The following SH3GLB1 variants were observed in gnomAD, a reference collection of about 807,000 sequenced individuals.
SH3GLB1 encodes the protein endophilin-B1.
In SH3GLB1, 17 loss-of-function variants were observed where a neutral mutation model predicts 42.0. That is an observed-to-expected ratio of 0.40 (90% confidence interval 0.28 to 0.61). SH3GLB1 has a LOEUF of 0.61. Among genes scored for constraint, SH3GLB1 ranks in the 20% least tolerant of loss-of-function variants. SH3GLB1 has a pLI of 0.36. For synonymous variants in SH3GLB1, 132 were observed against 146.6 expected (o/e 0.90, Z 0.72); for missense variants, 355 against 426.3 (o/e 0.83, Z 1.47).
At position 86,744,939 on chromosome 1, in the gene SH3GLB1, T is replaced by C. The variant is rs1245086580; in HGVS notation, c.*1704T>C. 6.6e-6 allele frequency: 1 copy of C among 152,220 alleles called. No homozygotes were observed. The allele number at this position is 152,220 out of a possible 1,614,324, so 9.4% of individuals were successfully genotyped here. On this transcript the variant is annotated 3_prime_UTR_variant, in exon 9 of 9. Transcript: ENST00000370558. Reference sequence around the variant, plus strand: ...AAAAGCTGCTCAAGCTGGTCAGTTTTCTGTAAAACCAAGTAAATGAAATTT... The same window carrying C: ...AAAAGCTGCTCAAGCTGGTCAGTTTCCTGTAAAACCAAGTAAATGAAATTT...
At chr1:86,729,795 A>G (rs1421287217) in intron 5 of SH3GLB1, among the ~76,000 whole-genome samples, 1 of 152,058 alleles carries the variant, frequency 6.6e-6, no homozygotes, top group Non-Finnish European at 1.5e-5. Context: ...CCAAATCTCT[A>G]ATTTTCCAGA....
intron 1 of SH3GLB1, among the ~76,000 whole-genome samples, chr1:86,713,523 GCAACTGGAAGATAAATCAT>G (rs1286748546): frequency 4.6e-5 from 7 of 152,060 alleles, no homozygotes; most frequent in Non-Finnish European, 1.0e-4. Flanking sequence ...AAGAAATTGT[GCAACTGGAAGATAAATCAT>G]CAGGACTATA....
chr1:86,738,905 A>G (rs1655919737), intron 7 of SH3GLB1, among the ~76,000 whole-genome samples: 1 of 152,188 alleles, frequency 6.6e-6, no homozygotes, highest in Non-Finnish European at 1.5e-5. Flanking sequence ...CAGCCTCTCA[A>G]AGTGCTGGGA....
At chr1:86,739,522 A>G (rs1253241731) in intron 7 of SH3GLB1, among the ~76,000 whole-genome samples, 1 of 152,194 alleles carries the variant, frequency 6.6e-6, no homozygotes, top group Non-Finnish European at 1.5e-5. Context: ...GCGCAAAGTA[A>G]TGTTTGTAAT....
intron 1 of SH3GLB1, among the ~76,000 whole-genome samples, chr1:86,706,170 A>G (rs1330366185): frequency 6.6e-6 from 1 of 152,266 alleles, no homozygotes; most frequent in Non-Finnish European, 1.5e-5. Flanking sequence ...AAGCAGCCTT[A>G]CTGAGGTTAA....
intron 5 of SH3GLB1, chr1:86,730,480 A>G (rs1655447105): frequency 1.5e-6 from 1 of 647,686 alleles, no homozygotes; most frequent in Non-Finnish European, 1.9e-6. Context: ...AGAGAATGGG[A>G]TATATAATAT....
At chr1:86,706,504 T>TA in intron 1 of SH3GLB1, among the ~76,000 whole-genome samples, 1 of 152,332 alleles carries the variant, frequency 6.6e-6, no homozygotes, top group East Asian at 1.9e-4. Flanking sequence ...CCTTTATAGT[T>TA]AAAATAATGT....
intron 1 of SH3GLB1, among the ~76,000 whole-genome samples, chr1:86,712,869 C>G (rs1654292287): frequency 6.6e-6 from 1 of 151,920 alleles, no homozygotes; most frequent in Non-Finnish European, 1.5e-5. Context: ...GGTGCAAATA[C>G]CCATCTTTGC....
chr1:86,711,257 T>C (rs970087507), intron 1 of SH3GLB1, among the ~76,000 whole-genome samples: 3 of 152,178 alleles, frequency 2.0e-5, no homozygotes, highest in Admixed American at 6.5e-5. Flanking sequence ...AAGTAGAGTT[T>C]GGAATCCAGG....
rs938173193 is a variant in SH3GLB1 at position 86,704,841 on chromosome 1, C to A, written c.-59C>A. On this transcript the variant is annotated 5_prime_UTR_variant, in exon 1 of 9. Coordinates refer to ENST00000370558, the MANE Select transcript of SH3GLB1 (RefSeq NM_016009.5). ...CTCTAGCCCTGCGCCCCAGCCCGGC[C>A]GCGGCACCTCCGCCTCGCCGCCGCT... 103 of 1,238,522 alleles carry A rather than the reference C, an allele frequency of 8.3e-5. No homozygotes were observed. The highest frequency in any genetic ancestry group is 1.1e-4 in the Non-Finnish European group (99 of 886,388). 76.7% of individuals were successfully genotyped at this position (1,238,522 alleles called of 1,614,324 possible). A position where few individuals can be genotyped will look rare whatever the true frequency, so the allele number is the denominator to read the frequency against.
Position 86,722,621 on chromosome 1 carries a change from A to G in SH3GLB1, c.425A>G (p.Asn142Ser). 1 of 1,610,294 alleles carries G rather than the reference A, an allele frequency of 6.2e-7. No individual in the cohort carries two copies. The highest frequency in any genetic ancestry group is 8.5e-7 in the Non-Finnish European group (1 of 1,178,350). Residue 142 changes from asparagine to serine, a missense_variant, in exon 4 of 9, where the codon AAT becomes AGT. By Grantham distance (46) the Asn-to-Ser change is conservative. Coordinates refer to ENST00000370558, the MANE Select transcript of SH3GLB1 (RefSeq NM_016009.5). ...DRELIQTSAL[N>S]FLTPLRNFIE... ...GAACTGATTCAAACGTCAGCCTTAA[A>G]TTTTCTTACTCCTTTAAGAAACTTT...
At chr1:86,726,690 A>G (rs1327255928) in intron 5 of SH3GLB1, among the ~76,000 whole-genome samples, 2 of 152,010 alleles carry the variant, frequency 1.3e-5, no homozygotes, top group East Asian at 1.9e-4. Flanking sequence ...CCCCTAGATA[A>G]CCAACACATT....
At chr1:86,740,389 A>G (rs1302381063) in intron 7 of SH3GLB1, among the ~76,000 whole-genome samples, 1 of 152,240 alleles carries the variant, frequency 6.6e-6, no homozygotes, top group Non-Finnish European at 1.5e-5. Context: ...TGAATGTAAA[A>G]CAAAGCTTTT....
In SH3GLB1 at chr1:86,715,768, T is replaced by A. The variant is rs1654483196; in HGVS notation, c.117T>A (p.Asp39Glu). ...KLGQAEKTEL[D>E]AHLENLLSKA... ...GCCAGGCTGAGAAGACAGAATTGGATGCTCACTTAGAGAACCTCCTTAGCA... is the reference window on the plus strand; with the variant it reads ...GCCAGGCTGAGAAGACAGAATTGGAAGCTCACTTAGAGAACCTCCTTAGCA... The change falls in exon 2 of 9, where the codon GAT (aspartate) becomes GAA (glutamate). Residue 39 changes from aspartate (D) to glutamate (E), a missense_variant. By Grantham distance (45) the Asp-to-Glu change is conservative (BLOSUM62 2). Coordinates refer to ENST00000370558, the MANE Select transcript of SH3GLB1 (RefSeq NM_016009.5). 2.5e-6 allele frequency: 4 copies of A among 1,611,540 alleles called. No homozygotes were observed. The highest frequency in any genetic ancestry group is 3.4e-6 in the Non-Finnish European group (4 of 1,179,380).
chr1:86,710,057 C>T (rs1654109229), intron 1 of SH3GLB1, among the ~76,000 whole-genome samples: 1 of 152,156 alleles, frequency 6.6e-6, no homozygotes. Flanking sequence ...ATTCGAAATC[C>T]ATACATTTTC....
intron 5 of SH3GLB1, among the ~76,000 whole-genome samples, chr1:86,728,077 TTAGG>T (rs1570276646): frequency 6.6e-6 from 1 of 151,924 alleles, no homozygotes; most frequent in Non-Finnish European, 1.5e-5. Flanking sequence ...AAATTTGGGG[TTAGG>T]TAGGACTTTC....
At chr1:86,738,433 T>G (rs938306086) in intron 7 of SH3GLB1, among the ~76,000 whole-genome samples, 20 of 151,694 alleles carry the variant, frequency 1.3e-4, no homozygotes, top group African/African-American at 4.8e-4. Flanking sequence ...ACCCAGCTAA[T>G]TTTTTGTATT....
rs181084322 is a variant in SH3GLB1 at position 86,744,607 on chromosome 1, A to T, written c.*1372A>T. On this transcript the variant is annotated 3_prime_UTR_variant, in exon 9 of 9. Coordinates refer to ENST00000370558, the MANE Select transcript of SH3GLB1 (RefSeq NM_016009.5). ...CATAGCACATTCTGACAACTAAAGC[A>T]ATTTACTCTAACTTAAGCATGAAGT... 2.0e-5 allele frequency: 3 copies of T among 152,274 alleles called. No homozygotes were observed. The East Asian group carries it at 5.8e-4, about 29-fold the overall frequency. The allele number at this position is 152,274 out of a possible 1,614,324, so 9.4% of individuals were successfully genotyped here. A position where few individuals can be genotyped will look rare whatever the true frequency, so the allele number is the denominator to read the frequency against.
At position 86,724,887 on chromosome 1, in the gene SH3GLB1, A is replaced by AT. The variant is rs1161043628; in HGVS notation, c.570+482_570+483insT. 1.9e-3 allele frequency among the ~76,000 whole-genome samples: 230 copies of AT among 123,694 alleles called. 3 individuals carry two copies. Among genetic ancestry groups the AT allele is most frequent in the African/African-American group, 7.0e-3 (177 of 25,308 alleles). 81.1% of individuals were successfully genotyped at this position (123,694 alleles called of 152,430 possible). ...AGACCCTGTCTTTAAAAAAAAAAAA[A>AT]AAAAAATATATATATATATATATAT... On this transcript the variant is annotated intron_variant, in intron 5 of 8. Coordinates refer to ENST00000370558, the MANE Select transcript of SH3GLB1 (RefSeq NM_016009.5).
Sources: gnomAD v4.1 joint callset for allele counts (sites outside exome capture counted in the v4.1 genomes callset) on GRCh38, gnomAD v4.1.1 for gene constraint, MANE v1.5 for transcripts, NCBI Gene and HGNC (gene_info 2026-07-23, HGNC 2026-07-21) for gene names.